The following TMEM131L variants were observed in gnomAD, a reference collection of about 807,000 sequenced individuals.
TMEM131L encodes transmembrane protein 131-like.
Under a neutral mutation model 192.2 loss-of-function variants are expected in TMEM131L, and 54 were observed. That is an observed-to-expected ratio of 0.28 (90% confidence interval 0.23 to 0.35). The LOEUF is 0.35. Ranked by LOEUF, TMEM131L falls within the 10% of genes least tolerant of loss-of-function variation. TMEM131L has a pLI of 1.00. For synonymous variants in TMEM131L, 701 were observed against 704.9 expected (o/e 0.99, Z 0.09); for missense variants, 1,888 against 1,972.9 (o/e 0.96, Z 0.82).
At chr4:153,609,044 C>A (rs554424033) in intron 25 of TMEM131L, among the ~76,000 whole-genome samples, 59 of 152,110 alleles carry the variant, frequency 3.9e-4, no homozygotes, top group Non-Finnish European at 7.1e-4. Flanking sequence ...AACTGTGGTA[C>A]ACTCTTACTC....
intron 7 of TMEM131L, among the ~76,000 whole-genome samples, chr4:153,568,899 G>T (rs1293506601): frequency 1.3e-5 from 2 of 152,202 alleles, no homozygotes; most frequent in East Asian, 1.9e-4. Flanking sequence ...ATCAGCCAGG[G>T]TAAGAGAGCC....
intron 3 of TMEM131L, among the ~76,000 whole-genome samples, chr4:153,505,730 C>A (rs376035280): frequency 1.1e-4 from 17 of 152,204 alleles, no homozygotes; most frequent in African/African-American, 3.4e-4. Context: ...ATATCTTATA[C>A]CCCTAAATGA....
rs145367675 is a variant in TMEM131L, at chr4:153,603,363, A to G, written c.2700A>G (p.Glu900=). ...AFQQAQYILM[E]FMKTRQRQNA... is the part of the protein sequence containing the mutation. ...AACAAGCACAGTACATTCTCATGGA[A>G]TTCATGAAAACAAGACAGAGGCAAA... is the stretch of plus-strand genomic sequence containing the variant. The change falls in exon 24 of 35, where the codon GAA becomes GAG. Residue 900 remains glutamate, a synonymous_variant. Transcript: ENST00000409959. The G allele has an allele frequency of 1.2e-6, 2 of 1,613,238 alleles. No homozygotes were observed. Among genetic ancestry groups the G allele is most frequent in the Non-Finnish European group, 8.5e-7 (1 of 1,179,218 alleles).
At chr4:153,539,839 G>T (rs1364863998) in intron 3 of TMEM131L, among the ~76,000 whole-genome samples, 1 of 151,604 alleles carries the variant, frequency 6.6e-6, no homozygotes, top group African/African-American at 2.4e-5. Context: ...GGCCGGGCAC[G>T]GTGGCTTACG....
chr4:153,578,228 C>T (rs753939850), intron 7 of TMEM131L, among the ~76,000 whole-genome samples: 5 of 152,078 alleles, frequency 3.3e-5, no homozygotes, highest in African/African-American at 9.7e-5. Context: ...TGGTAGTGCA[C>T]GCTTGTAGTC....
chr4:153,603,207 T>C, intron 23 of TMEM131L, 96 bp from the exon 24 acceptor site: 1 of 1,046,220 alleles, frequency 9.6e-7, no homozygotes, highest in Non-Finnish European at 1.3e-6. Context: ...TTCAGATGTT[T>C]TTCGTAAATC....
chr4:153,628,301 T>A (rs1733987876), intron 31 of TMEM131L, among the ~76,000 whole-genome samples: 2 of 152,232 alleles, frequency 1.3e-5, no homozygotes, highest in Admixed American at 6.5e-5. Context: ...GGGGCTCTGA[T>A]GGGAGGTGAA....
chr4:153,593,833 A>G lies in TMEM131L; in HGVS notation c.1957A>G (p.Thr653Ala), dbSNP rs141333512. The change falls in exon 19 of 35, where the codon ACT (threonine) becomes GCT (alanine). Residue 653 changes from threonine (T) to alanine (A), a missense_variant. Thr to Ala is a moderately conservative substitution (Grantham distance 58). Transcript: ENST00000409959. ...GTDMQMINFT[T>A]GEFQLTEACP... ...TGATATGCAGATGATTAATTTCACA[A>G]CTGGTGAATTCCAGCTCACCGAAGC... 3.1e-6 allele frequency: 5 copies of G among 1,613,658 alleles called. No homozygotes were observed. In the South Asian group the frequency reaches 3.3e-5, roughly 11 times the overall value.
At chr4:153,552,962 A>G (rs968221420) in intron 4 of TMEM131L, among the ~76,000 whole-genome samples, 7 of 151,108 alleles carry the variant, frequency 4.6e-5, no homozygotes, top group African/African-American at 1.7e-4. Flanking sequence ...TTTTTCCCTC[A>G]AACACTTTCA....
intron 3 of TMEM131L, among the ~76,000 whole-genome samples, chr4:153,527,164 T>C (rs1484791618): frequency 2.0e-5 from 3 of 152,204 alleles, no homozygotes; most frequent in Admixed American, 6.5e-5. Context: ...GGGGTTATTC[T>C]AGCAGGTACT....
intron 29 of TMEM131L, among the ~76,000 whole-genome samples, chr4:153,624,239 C>G (rs977996266): frequency 6.6e-6 from 1 of 152,080 alleles, no homozygotes; most frequent in African/African-American, 2.4e-5. Flanking sequence ...GTGCCTCAGC[C>G]TCCCAAGTAG....
chr4:153,575,613 A>G (rs1361910159), intron 7 of TMEM131L, among the ~76,000 whole-genome samples: 1 of 152,162 alleles, frequency 6.6e-6, no homozygotes, highest in African/African-American at 2.4e-5. Flanking sequence ...CTAAAAGGGG[A>G]TAATACTTTA....
chr4:153,472,654 G>A (rs1242950788), intron 2 of TMEM131L, among the ~76,000 whole-genome samples: 1 of 152,218 alleles, frequency 6.6e-6, no homozygotes, highest in Non-Finnish European at 1.5e-5. Flanking sequence ...GGGCATACAT[G>A]TTGTGTGGTG....
intron 20 of TMEM131L, 35 bp downstream of exon 20, chr4:153,596,420 C>G: frequency 6.2e-7 from 1 of 1,608,194 alleles, no homozygotes; most frequent in Non-Finnish European, 8.5e-7. Flanking sequence ...CTGTTTCTTT[C>G]TCAATGACTC....
chr4:153,491,371 A>G (rs1181389784), intron 3 of TMEM131L, among the ~76,000 whole-genome samples: 2 of 152,122 alleles, frequency 1.3e-5, no homozygotes, highest in South Asian at 2.1e-4. Flanking sequence ...TTGTCCACAC[A>G]CTTGCTTTGG....
intron 3 of TMEM131L, among the ~76,000 whole-genome samples, chr4:153,528,991 T>C (rs1735700760): frequency 6.6e-6 from 1 of 151,732 alleles, no homozygotes; most frequent in Non-Finnish European, 1.5e-5. Context: ...ATTAAAGAGG[T>C]GGGATCCAGT....
chr4:153,540,892 G>T (rs554780284), intron 3 of TMEM131L, among the ~76,000 whole-genome samples: 1 of 152,148 alleles, frequency 6.6e-6, no homozygotes. Flanking sequence ...CTTAGGGTTC[G>T]TGTGAATTTC....
intron 3 of TMEM131L, among the ~76,000 whole-genome samples, chr4:153,510,215 A>C (rs913089562): frequency 6.6e-6 from 1 of 152,162 alleles, no homozygotes; most frequent in South Asian, 2.1e-4. Context: ...AGGTCTGTCC[A>C]TGCTGGTGAC....
At chr4:153,576,723 T>C (rs1341575034) in intron 7 of TMEM131L, among the ~76,000 whole-genome samples, 1 of 152,050 alleles carries the variant, frequency 6.6e-6, no homozygotes, top group Admixed American at 6.6e-5. Flanking sequence ...AGTGTGTTAA[T>C]ATGATTTTTT....
Sources: allele counts gnomAD v4.1 joint callset (sites outside exome capture counted in the v4.1 genomes callset), GRCh38; gene constraint gnomAD v4.1.1; transcripts MANE v1.5; gene names NCBI Gene and HGNC (gene_info 2026-07-23, HGNC 2026-07-21).